The following SGCD variants were observed in gnomAD, a reference collection of about 807,000 sequenced individuals.
The protein encoded by SGCD is delta-sarcoglycan.
In SGCD, 18 loss-of-function variants were observed where a neutral mutation model predicts 36.6. That is an observed-to-expected ratio of 0.49 (90% CI 0.34 to 0.73). The LOEUF (loss-of-function observed/expected upper bound fraction) is 0.73, where lower values mean the gene tolerates loss of function less well. Among genes scored for constraint, SGCD ranks in the 30% least tolerant of loss-of-function variants. The pLI is 0.01. For synonymous variants in SGCD, 133 were observed against 130.6 expected (o/e 1.02, Z -0.12); for missense variants, 387 against 346.7 (o/e 1.12, Z -0.92).
At chr5:156,626,810 T>C (rs186835873) in intron 6 of SGCD, among the ~76,000 whole-genome samples, 106 of 152,294 alleles carry the variant, frequency 7.0e-4, no homozygotes, top group African/African-American at 2.4e-3. Context: ...TGCTTTTCTA[T>C]TGAGAACCAG....
intron 1 of SGCD, among the ~76,000 whole-genome samples, chr5:155,897,870 TACTCAAACTG>T (rs1756302389): frequency 6.6e-6 from 1 of 152,226 alleles, no homozygotes; most frequent in Non-Finnish European, 1.5e-5. Flanking sequence ...CACATGATTG[TACTCAAACTG>T]ACTTGTTCCT....
chr5:156,539,728 C>T (rs140939669), intron 4 of SGCD, among the ~76,000 whole-genome samples: 390 of 152,072 alleles, frequency 2.6e-3, no homozygotes, highest in African/African-American at 9.1e-3. Flanking sequence ...CATGGTTGTG[C>T]GTCTATCTTT....
intron 4 of SGCD, among the ~76,000 whole-genome samples, chr5:156,585,484 AT>A (rs1272971597): frequency 6.6e-6 from 1 of 152,180 alleles, no homozygotes; most frequent in Non-Finnish European, 1.5e-5. Context: ...TCCAGGTGAT[AT>A]TCAAAGTTAG....
chr5:156,155,473 A>G (rs1047719984), intron 3 of SGCD, among the ~76,000 whole-genome samples: 1 of 151,610 alleles, frequency 6.6e-6, no homozygotes, highest in Admixed American at 6.6e-5. Flanking sequence ...TTATAAAAAC[A>G]CTGTGGAGGC....
chr5:156,493,125 T>C (rs1374687653), intron 3 of SGCD, among the ~76,000 whole-genome samples: 1 of 152,166 alleles, frequency 6.6e-6, no homozygotes, highest in Admixed American at 6.5e-5. Flanking sequence ...TCTAGATCCT[T>C]GAGGAATCAC....
chr5:156,630,301 A>G (rs1762584532), intron 6 of SGCD, among the ~76,000 whole-genome samples: 1 of 152,220 alleles, frequency 6.6e-6, no homozygotes, highest in Admixed American at 6.5e-5. Flanking sequence ...AGTGCCTGAC[A>G]CATAACAGGT....
chr5:156,605,008 G>T (rs73299159), intron 6 of SGCD, among the ~76,000 whole-genome samples: 5,392 of 151,690 alleles, frequency 0.036, 316 homozygotes, highest in African/African-American at 0.12. Flanking sequence ...GGTATTTTGA[G>T]TTTGATTATG....
chr5:155,840,999 A>T, the SGCD span, among the ~76,000 whole-genome samples: 1 of 110,606 alleles, frequency 9.0e-6, no homozygotes, highest in East Asian at 2.8e-4. Flanking sequence ...TGACAGAGCG[A>T]GACTCCATCT....
intron 3 of SGCD, among the ~76,000 whole-genome samples, chr5:156,251,621 TCTC>T (rs1340728919): frequency 6.6e-6 from 1 of 152,058 alleles, no homozygotes; most frequent in Admixed American, 6.6e-5. Flanking sequence ...TTCAAGCCAT[TCTC>T]CTGCCTCAGC....
At chr5:155,826,599 C>A in the SGCD span, among the ~76,000 whole-genome samples, 88 of 152,272 alleles carry the variant, frequency 5.8e-4, no homozygotes, top group African/African-American at 8.9e-4. Flanking sequence ...GCCTTCTTGT[C>A]GTAAAAGTCT....
chr5:155,890,589 C>T (rs893423651), intron 1 of SGCD, among the ~76,000 whole-genome samples: 3 of 151,718 alleles, frequency 2.0e-5, no homozygotes. Flanking sequence ...GCCTGGGTGA[C>T]AGTGATACCC....
At chr5:155,860,871 C>A in the SGCD span, among the ~76,000 whole-genome samples, 3 of 152,136 alleles carry the variant, frequency 2.0e-5, no homozygotes, top group Non-Finnish European at 4.4e-5. Context: ...CTGTCACAGA[C>A]AAAGCTGCTA....
chr5:156,310,372 C>T (rs1014742764), intron 3 of SGCD, among the ~76,000 whole-genome samples: 1 of 152,276 alleles, frequency 6.6e-6, no homozygotes, highest in East Asian at 1.9e-4. Context: ...TGATGATAGT[C>T]AGAACACAGA....
chr5:156,631,416 C>T (rs753568119), intron 6 of SGCD, among the ~76,000 whole-genome samples: 2 of 150,152 alleles, frequency 1.3e-5, no homozygotes, highest in African/African-American at 2.5e-5. Context: ...AGCAAATACC[C>T]AAATCGAGCT....
intron 1 of SGCD, among the ~76,000 whole-genome samples, chr5:155,928,687 AAG>A (rs1757041098): frequency 1.8e-5 from 2 of 112,240 alleles, no homozygotes; most frequent in East Asian, 5.6e-4. Flanking sequence ...AAAAAAAAAA[AAG>A]AGGTAAAAAA....
chr5:155,822,249 C>A, the SGCD span, among the ~76,000 whole-genome samples: 1 of 152,130 alleles, frequency 6.6e-6, no homozygotes. Context: ...TTATAGGCAC[C>A]TTTTCGTGAG....
At chr5:155,843,913 T>C in the SGCD span, among the ~76,000 whole-genome samples, 1 of 152,096 alleles carries the variant, frequency 6.6e-6, no homozygotes, top group Non-Finnish European at 1.5e-5. Context: ...TAATAAATCT[T>C]TCACTCTTTC....
intron 1 of SGCD, among the ~76,000 whole-genome samples, chr5:156,107,555 A>G (rs1466687231): frequency 1.3e-5 from 2 of 152,150 alleles, no homozygotes; most frequent in East Asian, 3.9e-4. Context: ...ATATTAACTT[A>G]AATGTGTATT....
intron 3 of SGCD, among the ~76,000 whole-genome samples, chr5:156,171,132 CA>C (rs1327922647): frequency 1.3e-5 from 2 of 152,034 alleles, no homozygotes; most frequent in Non-Finnish European, 2.9e-5. Flanking sequence ...AAGGAGGTAC[CA>C]AAACATATTA....
Sources: gnomAD v4.1 joint callset for allele counts (sites outside exome capture counted in the v4.1 genomes callset) on GRCh38, gnomAD v4.1.1 for gene constraint, MANE v1.5 for transcripts, NCBI Gene and HGNC (gene_info 2026-07-23, HGNC 2026-07-21) for gene names.